The following RBMS1 variants were observed in gnomAD, a reference collection of about 807,000 sequenced individuals.
RBMS1 encodes RNA binding motif single stranded interacting protein 1, also known as RNA-binding motif, single-stranded-interacting protein 1.
In RBMS1, 17 loss-of-function variants were observed where a neutral mutation model predicts 62.3. The observed-to-expected ratio is 0.27, with a 90% CI of 0.19 to 0.41. RBMS1 has a LOEUF of 0.41. RBMS1 is among the 10% of genes least tolerant of loss of function. The pLI is 1.00. For missense variants in RBMS1, 334 were observed against 504.5 expected (o/e 0.66, Z 3.24); for synonymous variants, 172 against 170.0 (o/e 1.01, Z -0.09).
chr2:160,456,468 G>A (rs75774543), intron 1 of RBMS1, among the ~76,000 whole-genome samples: 2,281 of 152,234 alleles, frequency 0.015, 74 homozygotes, highest in African/African-American at 0.052. Context: ...AGTATAGATT[G>A]TTACCTTACT....
rs191390135 is a variant in RBMS1 at position 160,426,670 on chromosome 2, T to C, written c.76-59279A>G. On this transcript the variant is annotated intron_variant, in intron 1 of 13. Coordinates refer to ENST00000348849, the MANE Select transcript of RBMS1 (RefSeq NM_016836.4). ...ACCTTTTAAGTCAAAGGAGGTACTT[T>C]GTTTGCTATTAGAAGCCAACAGATT... 3.0e-3 allele frequency among the ~76,000 whole-genome samples: 451 copies of C among 152,332 alleles called. 4 individuals are homozygous for C. Among genetic ancestry groups the C allele is most frequent in the Middle Eastern group, 0.024 (7 of 294 alleles).
chr2:160,295,100 G>C (rs1688870565), intron 6 of RBMS1, among the ~76,000 whole-genome samples: 1 of 152,088 alleles, frequency 6.6e-6, no homozygotes, highest in Non-Finnish European at 1.5e-5. Flanking sequence ...AGTCTACTGG[G>C]GACTTGTTTT....
chr2:160,276,822 A>G lies in RBMS1; in HGVS notation c.1143+481T>C, dbSNP rs139891492. 10 of 152,554 alleles carry G rather than the reference A, an allele frequency of 6.6e-5. No homozygotes were observed. In the East Asian group the frequency reaches 1.9e-3, roughly 29 times the overall value. 9.5% of individuals were successfully genotyped at this position (152,554 alleles called of 1,614,324 possible). A position where few individuals can be genotyped will look rare whatever the true frequency, so the allele number is the denominator to read the frequency against. The stretch of plus-strand genomic sequence containing the variant: ...AGATTTATCTTATTATGTCTGTAGT[A>G]TCATTTTATGAGAGACAAGACAGAA... On this transcript the variant is annotated intron_variant, in intron 12 of 13. Transcript: ENST00000348849.
chr2:160,354,508 A>T (rs1306452680), intron 2 of RBMS1, among the ~76,000 whole-genome samples: 1 of 152,120 alleles, frequency 6.6e-6, no homozygotes, highest in Non-Finnish European at 1.5e-5. Context: ...AACACTTTGG[A>T]AGCCCACTTG....
intron 1 of RBMS1, among the ~76,000 whole-genome samples, chr2:160,439,276 G>A (rs1683283989): frequency 6.6e-6 from 1 of 150,536 alleles, no homozygotes; most frequent in South Asian, 2.1e-4. Flanking sequence ...CTGCTGGGCG[G>A]AAGGGCTCCT....
chr2:160,374,547 C>G (rs1424111584), intron 1 of RBMS1, among the ~76,000 whole-genome samples: 1 of 152,126 alleles, frequency 6.6e-6, no homozygotes, highest in East Asian at 1.9e-4. Flanking sequence ...AATTTAAACA[C>G]AGTAAATGAA....
At chr2:160,408,141 T>C (rs1695866987) in intron 1 of RBMS1, among the ~76,000 whole-genome samples, 1 of 151,700 alleles carries the variant, frequency 6.6e-6, no homozygotes, top group African/African-American at 2.4e-5. Flanking sequence ...TGCCGCACAT[T>C]CCTCGGAGTA....
At chr2:160,360,693 C>A (rs1370174837) in intron 2 of RBMS1, among the ~76,000 whole-genome samples, 1 of 152,154 alleles carries the variant, frequency 6.6e-6, no homozygotes, top group African/African-American at 2.4e-5. Context: ...ATTGCTTTCA[C>A]CCTTCATGAA....
intron 1 of RBMS1, among the ~76,000 whole-genome samples, chr2:160,433,193 C>T (rs561797508): frequency 6.6e-5 from 10 of 152,226 alleles, no homozygotes; most frequent in Non-Finnish European, 1.3e-4. Context: ...ACAGGTGGAT[C>T]GCTTGGGCTC....
At chr2:160,387,943 G>A (rs1694671426) in intron 1 of RBMS1, among the ~76,000 whole-genome samples, 1 of 152,184 alleles carries the variant, frequency 6.6e-6, no homozygotes, top group Non-Finnish European at 1.5e-5. Flanking sequence ...CATGTCCACA[G>A]GCTGACCTCT....
chr2:160,407,608 G>C, intron 1 of RBMS1: 1 of 982,406 alleles, frequency 1.0e-6, no homozygotes, highest in Non-Finnish European at 1.2e-6. Flanking sequence ...GAGGGCGCAA[G>C]GAGGTGGCCG....
chr2:160,302,125 GTTTTTTTTCTGGGGAGAAAAAGA>G (rs1330462747), intron 5 of RBMS1, among the ~76,000 whole-genome samples: 2 of 150,730 alleles, frequency 1.3e-5, no homozygotes, highest in Non-Finnish European at 3.0e-5. Context: ...ACTCTGAAGT[GTTTTTTTTCTGGGGAGAAAAAGA>G]TAAAAAATTA....
chr2:160,294,719 T>A (rs1688847742), intron 6 of RBMS1, among the ~76,000 whole-genome samples: 1 of 152,212 alleles, frequency 6.6e-6, no homozygotes, highest in Non-Finnish European at 1.5e-5. Context: ...TCCCAGATAA[T>A]TCTGCTTACG....
intron 1 of RBMS1, among the ~76,000 whole-genome samples, chr2:160,437,541 A>G (rs189402482): frequency 2.0e-5 from 3 of 152,368 alleles, no homozygotes; most frequent in Admixed American, 6.5e-5. Flanking sequence ...ACAGATGTTA[A>G]AATATGACCA....
chr2:160,483,779 A>G lies in RBMS1; in HGVS notation c.75+9510T>C, dbSNP rs192837839. ...GGAGAACAGGAGTGAAGAAGAGAGA[A>G]AGTAAACACACTTTGAAACTGTTCA... On this transcript the variant is annotated intron_variant, in intron 1 of 13. Coordinates refer to ENST00000348849, the MANE Select transcript of RBMS1 (RefSeq NM_016836.4). Among the ~76,000 whole-genome samples, 305 of 152,258 alleles carry G rather than the reference A, an allele frequency of 2.0e-3. 1 individual carries two copies. Among genetic ancestry groups the G allele is most frequent in the African/African-American group, 6.9e-3 (288 of 41,548 alleles).
At chr2:160,303,979 A>G (rs963768858) in intron 4 of RBMS1, among the ~76,000 whole-genome samples, 1 of 152,180 alleles carries the variant, frequency 6.6e-6, no homozygotes, top group Non-Finnish European at 1.5e-5. Context: ...AGTTCACACT[A>G]CTTTTGAGTC....
At chr2:160,276,394 T>G (rs1050230360) in intron 12 of RBMS1, among the ~76,000 whole-genome samples, 1 of 151,230 alleles carries the variant, frequency 6.6e-6, no homozygotes, top group Non-Finnish European at 1.5e-5. Flanking sequence ...CTACTACTGC[T>G]ACTACTATCA....
intron 2 of RBMS1, among the ~76,000 whole-genome samples, chr2:160,349,877 G>A (rs1573909975): frequency 6.6e-6 from 1 of 151,664 alleles, no homozygotes; most frequent in East Asian, 1.9e-4. Context: ...GTGAAGTGGA[G>A]GCAGATTACA....
chr2:160,283,528 T>C (rs1187986544), intron 9 of RBMS1: 1 of 152,210 alleles, frequency 6.6e-6, no homozygotes, highest in Non-Finnish European at 1.5e-5. Context: ...TGTAAGAGCC[T>C]AGAAGCATAG....
Sources: allele counts gnomAD v4.1 joint callset (sites outside exome capture counted in the v4.1 genomes callset), GRCh38; gene constraint gnomAD v4.1.1; transcripts MANE v1.5; gene names NCBI Gene and HGNC (gene_info 2026-07-23, HGNC 2026-07-21).